The following HPSE2 variants were observed in gnomAD, a reference collection of about 807,000 sequenced individuals.
The protein encoded by HPSE2 is inactive heparanase-2.
HPSE2 carries 38 observed loss-of-function variants against 60.5 expected under a neutral mutation model. The observed-to-expected ratio is 0.63, with a 90% confidence interval of 0.48 to 0.82. The LOEUF is 0.82. Ranked by LOEUF, HPSE2 falls within the 40% of genes least tolerant of loss-of-function variation. The pLI is 0.00. For synonymous variants in HPSE2, 295 were observed against 293.2 expected (o/e 1.01, Z -0.06); for missense variants, 713 against 740.4 (o/e 0.96, Z 0.43).
the HPSE2 span, among the ~76,000 whole-genome samples, chr10:99,282,254 G>A: frequency 1.1e-4 from 16 of 151,508 alleles, no homozygotes; most frequent in South Asian, 1.0e-3. Flanking sequence ...ACAAGACTCC[G>A]TCTCAAAAAA....
chr10:99,030,333 A>C (rs1957472453), intron 3 of HPSE2, among the ~76,000 whole-genome samples: 1 of 152,190 alleles, frequency 6.6e-6, no homozygotes, highest in African/African-American at 2.4e-5. Context: ...AATGGGCAAA[A>C]TATTTGAACA....
chr10:98,477,750 G>T (rs1353423794), intron 11 of HPSE2, among the ~76,000 whole-genome samples: 3 of 152,106 alleles, frequency 2.0e-5, no homozygotes, highest in Non-Finnish European at 4.4e-5. Flanking sequence ...CCTAGAGCAG[G>T]GCTCCCTAAC....
At chr10:98,662,550 T>C (rs1459576697) in intron 6 of HPSE2, among the ~76,000 whole-genome samples, 1 of 152,018 alleles carries the variant, frequency 6.6e-6, no homozygotes, top group South Asian at 2.1e-4. Context: ...TGGGATATAG[T>C]TGAGAGTGAA....
the HPSE2 span, among the ~76,000 whole-genome samples, chr10:99,290,905 G>A: frequency 6.6e-6 from 1 of 152,160 alleles, no homozygotes; most frequent in Non-Finnish European, 1.5e-5. Context: ...GATATTTGGA[G>A]GTGTCATCAA....
intron 3 of HPSE2, among the ~76,000 whole-genome samples, chr10:99,021,711 G>T (rs969123855): frequency 1.3e-5 from 2 of 151,584 alleles, no homozygotes; most frequent in African/African-American, 4.8e-5. Flanking sequence ...ATTGGCTTTT[G>T]TCCTCAGGCT....
intron 2 of HPSE2, among the ~76,000 whole-genome samples, chr10:99,211,496 C>A (rs1848952045): frequency 6.6e-6 from 1 of 152,042 alleles, no homozygotes; most frequent in Admixed American, 6.6e-5. Flanking sequence ...AAGTATGGTA[C>A]TGGCATTAAA....
chr10:99,010,237 T>A (rs1363860707), intron 3 of HPSE2, among the ~76,000 whole-genome samples: 1 of 152,214 alleles, frequency 6.6e-6, no homozygotes, highest in Non-Finnish European at 1.5e-5. Context: ...TTATTTTCTA[T>A]TTTTTTATCT....
At chr10:99,035,894 A>C (rs1267797933) in intron 3 of HPSE2, among the ~76,000 whole-genome samples, 1 of 152,214 alleles carries the variant, frequency 6.6e-6, no homozygotes, top group Admixed American at 6.5e-5. Flanking sequence ...AAGCACATTT[A>C]ACATCCAGAT....
At chr10:98,486,121 C>T (rs1222599844) in intron 10 of HPSE2, among the ~76,000 whole-genome samples, 3 of 152,178 alleles carry the variant, frequency 2.0e-5, no homozygotes, top group African/African-American at 4.8e-5. Flanking sequence ...TCAGCCATCC[C>T]TCTCCCTGCT....
chr10:98,796,108 C>A (rs1402669478), intron 3 of HPSE2, among the ~76,000 whole-genome samples: 1 of 152,134 alleles, frequency 6.6e-6, no homozygotes, highest in Non-Finnish European at 1.5e-5. Flanking sequence ...GTGGTGGCTA[C>A]AGTGAAAGAC....
intron 3 of HPSE2, among the ~76,000 whole-genome samples, chr10:98,844,969 G>A (rs1428530121): frequency 1.3e-5 from 2 of 152,132 alleles, no homozygotes; most frequent in Admixed American, 6.5e-5. Context: ...TTTCTATTAT[G>A]TGCAGAGTAA....
intron 2 of HPSE2, among the ~76,000 whole-genome samples, chr10:99,147,452 T>G (rs1846097378): frequency 6.6e-6 from 1 of 152,176 alleles, no homozygotes; most frequent in South Asian, 2.1e-4. Flanking sequence ...ACAAGTCTAA[T>G]TTGAAGAGTA....
intron 11 of HPSE2, among the ~76,000 whole-genome samples, chr10:98,471,003 G>A (rs143651109): frequency 2.6e-5 from 4 of 152,054 alleles, no homozygotes; most frequent in East Asian, 1.9e-4. Context: ...TCCTCTAATC[G>A]GCACAGTGAT....
At chr10:98,852,407 C>G (rs1952203515) in intron 3 of HPSE2, among the ~76,000 whole-genome samples, 1 of 152,136 alleles carries the variant, frequency 6.6e-6, no homozygotes, top group Non-Finnish European at 1.5e-5. Flanking sequence ...AAGACAGGAT[C>G]TCACTATGTT....
chr10:98,576,897 T>TA (rs921554678), intron 9 of HPSE2, among the ~76,000 whole-genome samples: 3 of 151,964 alleles, frequency 2.0e-5, no homozygotes, highest in Admixed American at 6.6e-5. Flanking sequence ...TTCACATGGT[T>TA]AAAAAAAATG....
chr10:99,239,489 G>A (rs1040102284), upstream of HPSE2, among the ~76,000 whole-genome samples: 35 of 145,174 alleles, frequency 2.4e-4, no homozygotes, highest in African/African-American at 7.5e-4. Context: ...GAGTGCAGTG[G>A]CACGATCTCG....
intron 6 of HPSE2, among the ~76,000 whole-genome samples, chr10:98,654,006 C>T (rs1293358073): frequency 6.6e-6 from 1 of 151,352 alleles, no homozygotes; most frequent in Middle Eastern, 3.2e-3. Flanking sequence ...AATGATTTCA[C>T]TCCACTATTT....
chr10:99,042,949 G>C (rs148114320), intron 3 of HPSE2, among the ~76,000 whole-genome samples: 82 of 152,250 alleles, frequency 5.4e-4, no homozygotes, highest in African/African-American at 1.9e-3. Context: ...AAAATATTTT[G>C]CTAATATACA....
At chr10:99,302,927 T>G in the HPSE2 span, among the ~76,000 whole-genome samples, 1 of 150,426 alleles carries the variant, frequency 6.6e-6, no homozygotes, top group South Asian at 2.1e-4. Flanking sequence ...GACTAACATA[T>G]TTGCTAGTAT....
Sources: allele counts gnomAD v4.1 joint callset (sites outside exome capture counted in the v4.1 genomes callset), GRCh38; gene constraint gnomAD v4.1.1; transcripts MANE v1.5; gene names NCBI Gene and HGNC (gene_info 2026-07-23, HGNC 2026-07-21).